The following ACYP2 variants were observed in gnomAD, a reference collection of about 807,000 sequenced individuals.
ACYP2 encodes acylphosphatase-2.
ACYP2 carries 12 observed loss-of-function variants against 11.2 expected under a neutral mutation model. That is an observed-to-expected ratio of 1.08 (90% CI 0.69 to 1.74). ACYP2 has a LOEUF of 1.74. ACYP2 is among the 40% of genes most tolerant of loss of function. The pLI is 0.00. For synonymous variants in ACYP2, 43 were observed against 32.2 expected (o/e 1.33, Z -1.13); for missense variants, 134 against 101.9 (o/e 1.31, Z -1.35).
chr2:54,177,603 A>C (rs577906785), intron 6 of ACYP2, among the ~76,000 whole-genome samples: 19 of 115,962 alleles, frequency 1.6e-4, no homozygotes, highest in African/African-American at 1.0e-3. Context: ...CTGGAAACGG[A>C]GTCTCACTCT....
chr2:54,015,631 AGAGT>A (rs1673637316), intron 2 of ACYP2, among the ~76,000 whole-genome samples: 1 of 144,898 alleles, frequency 6.9e-6, no homozygotes, highest in South Asian at 2.3e-4. Flanking sequence ...CCTGGGCAAC[AGAGT>A]GAGACCCCGT....
At chr2:54,040,321 G>A (rs140824991) in intron 2 of ACYP2, among the ~76,000 whole-genome samples, 39 of 152,232 alleles carry the variant, frequency 2.6e-4, no homozygotes, top group Non-Finnish European at 4.9e-4. Flanking sequence ...GCAATCAGGA[G>A]TTCAGTTTAG....
chr2:54,189,099 T>C (rs1465384391), intron 6 of ACYP2, among the ~76,000 whole-genome samples: 1 of 152,210 alleles, frequency 6.6e-6, no homozygotes, highest in African/African-American at 2.4e-5. Flanking sequence ...CTAAGATACA[T>C]GTGGATAGTA....
At chr2:54,104,659 T>C (rs1333441078) in intron 4 of ACYP2, among the ~76,000 whole-genome samples, 1 of 152,196 alleles carries the variant, frequency 6.6e-6, no homozygotes, top group Non-Finnish European at 1.5e-5. Context: ...ACTTTGACAA[T>C]GAGAAAGTAT....
At chr2:54,112,606 T>C (rs535605356) in intron 4 of ACYP2, among the ~76,000 whole-genome samples, 2 of 152,326 alleles carry the variant, frequency 1.3e-5, no homozygotes, top group Non-Finnish European at 2.9e-5. Flanking sequence ...GGACTCACAG[T>C]AGGTAAATGT....
chr2:54,064,060 G>C (rs1046382781), intron 4 of ACYP2, among the ~76,000 whole-genome samples: 1 of 152,054 alleles, frequency 6.6e-6, no homozygotes, highest in South Asian at 2.1e-4. Flanking sequence ...TGTTGCCCTT[G>C]TTAGTCTTGA....
At chr2:54,298,917 A>G (rs1689620022) in intron 6 of ACYP2, among the ~76,000 whole-genome samples, 1 of 152,146 alleles carries the variant, frequency 6.6e-6, no homozygotes, top group South Asian at 2.1e-4. Flanking sequence ...ATGCCCAGCT[A>G]CTTTTTTTAT....
chr2:54,057,677 A>T (rs574825291), intron 4 of ACYP2, among the ~76,000 whole-genome samples: 1 of 152,250 alleles, frequency 6.6e-6, no homozygotes, highest in East Asian at 1.9e-4. Flanking sequence ...TTACTGTTTT[A>T]TATATATATG....
At chr2:53,990,781 T>C (rs1383602444) in intron 2 of ACYP2, among the ~76,000 whole-genome samples, 1 of 152,032 alleles carries the variant, frequency 6.6e-6, no homozygotes, top group Non-Finnish European at 1.5e-5. Flanking sequence ...ACCTAAGAAT[T>C]TGCGTTTTTT....
chr2:54,120,719 G>A (rs963738959), intron 4 of ACYP2, among the ~76,000 whole-genome samples: 6 of 152,166 alleles, frequency 3.9e-5, no homozygotes, highest in Admixed American at 2.0e-4. Flanking sequence ...TGGATCCTGC[G>A]CTTGCCTTGG....
chr2:54,153,537 A>C (rs1015271655), intron 6 of ACYP2, among the ~76,000 whole-genome samples: 9 of 147,424 alleles, frequency 6.1e-5, no homozygotes, highest in Admixed American at 3.4e-4. Context: ...GAAAAATGTC[A>C]TTGAAATGTT....
chr2:54,048,626 G>C (rs1247879276), intron 2 of ACYP2, among the ~76,000 whole-genome samples: 1 of 152,170 alleles, frequency 6.6e-6, no homozygotes, highest in Admixed American at 6.5e-5. Flanking sequence ...TCAGCCACCA[G>C]AGTAGCTGTG....
intron 4 of ACYP2, among the ~76,000 whole-genome samples, chr2:54,075,740 G>A (rs1677303826): frequency 6.6e-6 from 1 of 151,854 alleles, no homozygotes; most frequent in African/African-American, 2.4e-5. Context: ...CTGAACCTGG[G>A]AGGCCGAGGT....
Position 54,255,293 on chromosome 2 carries a change from G to A in ACYP2, c.405-49395G>A, listed in dbSNP as rs1687442703. 3.1e-6 allele frequency: 5 copies of A among 1,614,174 alleles called. No individual in the cohort carries two copies. Among genetic ancestry groups the A allele is most frequent in the African/African-American group, 1.3e-5 (1 of 75,046 alleles). ...TTAAACTTGCAGCCTGTCCTAGGGT[G>A]TCTGAGCTCCTTCACTTCCAAATTG... On this transcript the variant is annotated intron_variant, in intron 6 of 6. Transcript: ENST00000607452.
At chr2:54,265,221 G>A (rs1319908997) in intron 6 of ACYP2, among the ~76,000 whole-genome samples, 3 of 152,108 alleles carry the variant, frequency 2.0e-5, no homozygotes, top group African/African-American at 4.8e-5. Flanking sequence ...ACAGTTCCAC[G>A]TGGCTGGGGA....
In ACYP2 at chr2:54,057,367, C is replaced by T. The variant is rs1000783029; in HGVS notation, c.277+7C>T. 1 of 397,546 alleles carries T rather than the reference C, an allele frequency of 2.5e-6. No homozygotes were observed. The highest frequency in any genetic ancestry group is 4.4e-6 in the Non-Finnish European group (1 of 225,506). 24.6% of individuals were successfully genotyped at this position (397,546 alleles called of 1,614,324 possible). On this transcript the variant is annotated splice_region_variant and intron_variant, in intron 4 of 6. Coordinates refer to ENST00000607452, the MANE Select transcript of ACYP2 (RefSeq NM_001320586.2). ...AAATCAACAATTTGCTTAAGTAAGT[C>T]TTCAAAATAAATACTGATTTTAATG...
chr2:54,008,020 G>A (rs1673170039), intron 2 of ACYP2, among the ~76,000 whole-genome samples: 2 of 152,186 alleles, frequency 1.3e-5, no homozygotes, highest in South Asian at 2.1e-4. Context: ...CACCTCAGAG[G>A]TTAGAAGCAA....
intron 6 of ACYP2, among the ~76,000 whole-genome samples, chr2:54,198,660 A>G (rs1684619296): frequency 6.6e-6 from 1 of 152,208 alleles, no homozygotes; most frequent in Admixed American, 6.5e-5. Flanking sequence ...TCATCTGTAT[A>G]TTGTGCAATG....
At chr2:54,255,312 C>T (rs757215538) in intron 6 of ACYP2, 11 of 1,614,012 alleles carry the variant, frequency 6.8e-6, no homozygotes, top group East Asian at 2.2e-5. Flanking sequence ...CCTTCACTTC[C>T]AAATTGGTTA....
Sources: allele counts gnomAD v4.1 joint callset (sites outside exome capture counted in the v4.1 genomes callset), GRCh38; gene constraint gnomAD v4.1.1; transcripts MANE v1.5; gene names NCBI Gene and HGNC (gene_info 2026-07-23, HGNC 2026-07-21).